Variants in IL17RE observed in about 807,000 individuals in gnomAD.
IL17RE encodes the protein interleukin 17 receptor E.
IL17RE carries 47 observed loss-of-function variants against 70.7 expected under a neutral mutation model. That is an observed-to-expected ratio of 0.67 (90% confidence interval 0.53 to 0.85). The LOEUF is 0.85. Among genes scored for constraint, IL17RE ranks in the 40% least tolerant of loss-of-function variants. IL17RE has a pLI of 0.00. For synonymous variants in IL17RE, 372 were observed against 381.2 expected (o/e 0.98, Z 0.28); for missense variants, 850 against 893.9 (o/e 0.95, Z 0.63).
intron 9 of IL17RE, 24 bp downstream of exon 9, chr3:9,911,064 C>G (rs2082880040): frequency 6.2e-7 from 1 of 1,614,048 alleles, no homozygotes; most frequent in East Asian, 2.2e-5. Context: ...CCCCCAGGAC[C>G]AGGGTGGGCA....
rs2082889999 is a variant in IL17RE, at chr3:9,911,438, A to G, written c.1073-5A>G. On this transcript the variant is annotated splice_polypyrimidine_tract_variant and splice_region_variant and intron_variant, in intron 11 of 15. Coordinates refer to ENST00000383814, the MANE Select transcript of IL17RE (RefSeq NM_153480.2). ...CTATCAACACCCCCACCCCGCCCCA[A>G]ACAGGGTCTCTCACATCCTGGAATG... is the stretch of plus-strand genomic sequence containing the variant. 6.2e-7 allele frequency: 1 copy of G among 1,613,854 alleles called. No individual in the cohort carries two copies. Among genetic ancestry groups the G allele is most frequent in the African/African-American group, 1.3e-5 (1 of 74,884 alleles).
At chr3:9,909,338 C>A in intron 8 of IL17RE, 55 bp downstream of exon 8, 1 of 1,396,290 alleles carries the variant, frequency 7.2e-7, no homozygotes, top group Non-Finnish European at 1.0e-6. Flanking sequence ...CTCTTTCTGT[C>A]TCCTACACAC....
At chr3:9,909,957 G>C (rs1358606194) in intron 8 of IL17RE, 2 of 152,386 alleles carry the variant, frequency 1.3e-5, no homozygotes, top group African/African-American at 4.8e-5. Context: ...GGAGAGATAG[G>C]AGGGAAAGAC....
intron 3 of IL17RE, among the ~76,000 whole-genome samples, chr3:9,905,734 C>T (rs532917248): frequency 1.4e-4 from 21 of 151,854 alleles, no homozygotes; most frequent in Admixed American, 4.6e-4. Context: ...GCAGGAGAAT[C>T]GCTTGAAGCC....
In IL17RE at chr3:9,915,406, G is replaced by T. The variant is rs546163553; in HGVS notation, c.1603G>T (p.Val535Leu). Reference sequence around the variant, plus strand: ...GTGGGAGGGGAGGCACGTGGCGCGCGTGGGCCCGCTGCCGTGGCTCTGGGC... The same window carrying T: ...GTGGGAGGGGAGGCACGTGGCGCGCTTGGGCCCGCTGCCGTGGCTCTGGGC... ...DLWEGRHVAR[V>L]GPLPWLWAAR... Residue 535 changes from valine to leucine, a missense_variant, in exon 16 of 16, where the codon GTG becomes TTG. Coordinates refer to ENST00000383814, the MANE Select transcript of IL17RE (RefSeq NM_153480.2). This position sits in a 1 kb window ranked among gnomAD's most constrained non-coding sequence, Gnocchi z 4.9. The T allele has an allele frequency of 2.1e-5, 28 of 1,362,478 alleles. No homozygotes were observed. In the South Asian group the frequency reaches 5.2e-4, roughly 25 times the overall value. 84.4% of individuals were successfully genotyped at this position (1,362,478 alleles called of 1,614,324 possible). A position where few individuals can be genotyped will look rare whatever the true frequency, so the allele number is the denominator to read the frequency against.
chr3:9,915,725 G>A lies in IL17RE; in HGVS notation c.1922G>A (p.Gly641Glu). 3 of 1,439,452 alleles carry A rather than the reference G, an allele frequency of 2.1e-6. No individual in the cohort carries two copies. Among genetic ancestry groups the A allele is most frequent in the Non-Finnish European group, 2.7e-6 (3 of 1,109,634 alleles). The allele number at this position is 1,439,452 out of a possible 1,614,324, so 89.2% of individuals were successfully genotyped here. Residue 641 changes from glycine (G) to glutamate (E), a missense_variant, in exon 16 of 16, where the codon GGG (glycine) becomes GAG (glutamate). Gly to Glu is a moderately conservative substitution (Grantham distance 98). Transcript: ENST00000383814. The surrounding 1 kb of genome is among the most constrained non-coding windows in gnomAD (Gnocchi z 4.9). ...FAEATSWGRL[G>E]ARQRRQSRLE... ...GAGGCCACCAGCTGGGGCCGCCTTG[G>A]GGCGCGGCAGCGCAGGCAGAGCCGC...
In IL17RE at chr3:9,913,978, C is replaced by T. The variant is rs1446906718; in HGVS notation, c.1250C>T (p.Ser417Leu). The T allele has an allele frequency of 1.2e-6, 2 of 1,614,106 alleles. No individual in the cohort carries two copies. The highest frequency in any genetic ancestry group is 8.5e-7 in the Non-Finnish European group (1 of 1,179,950). Residue 417 changes from serine (S) to leucine (L), a missense_variant, in exon 13 of 16, where the codon TCA becomes TTA. Physicochemically the swap from Ser to Leu is moderately radical, Grantham distance 145. Transcript: ENST00000383814. ...CAGGCCCGGGGCTCAAGCCCAGTGT[C>T]ACTAGACCTCATCATTCCCTTCCTG... ...VSQARGSSPV[S>L]LDLIIPFLRP...
At chr3:9,902,798 CGGGCAGGGCGGGGCCA>C (rs2082665535), upstream of IL17RE, 3 of 1,554,896 alleles carry the variant, frequency 1.9e-6, no homozygotes, top group Non-Finnish European at 2.6e-6. Context: ...GAGGAGCTTT[CGGGCAGGGCGGGGCCA>C]GGGCAGGCTG....
Position 9,909,268 on chromosome 3 carries a change from A to G in IL17RE, c.787A>G (p.Ser263Gly). The change falls in exon 8 of 16, where the codon AGC (serine) becomes GGC (glycine). Residue 263 changes from serine to glycine, a missense_variant. Ser to Gly is a moderately conservative substitution (Grantham distance 56). Transcript: ENST00000383814. ...GAGGCGCAAAAAATGTCCCTTCCAG[A>G]GCTGGCCAGAAGCCTGTGAGTGCTG... ...TVRRKKCPFQ[S>G]WPEAYGSDFW... The G allele has an allele frequency of 6.2e-7, 1 of 1,613,990 alleles. No individual in the cohort carries two copies. Among genetic ancestry groups the G allele is most frequent in the African/African-American group, 1.3e-5 (1 of 75,038 alleles).
Position 9,915,929 on chromosome 3 carries a change from GC to G in IL17RE, c.*124del. On this transcript the variant is annotated 3_prime_UTR_variant, in exon 16 of 16. Transcript: ENST00000383814. The surrounding 1 kb of genome is among the most constrained non-coding windows in gnomAD (Gnocchi z 4.9). Reference sequence around the variant, plus strand: ...TGCCTCGAGGACGACTGGCCGAAAAGCCGCATTCCCTGCCTCACAGGCCGGA... The same window carrying G: ...TGCCTCGAGGACGACTGGCCGAAAAGCGCATTCCCTGCCTCACAGGCCGGA... 3 of 1,327,640 alleles carry G rather than the reference GC, an allele frequency of 2.3e-6. No individual in the cohort carries two copies. Among genetic ancestry groups the G allele is most frequent in the Non-Finnish European group, 2.9e-6 (3 of 1,040,550 alleles). The allele number at this position is 1,327,640 out of a possible 1,614,324, so 82.2% of individuals were successfully genotyped here. A position where few individuals can be genotyped will look rare whatever the true frequency, so the allele number is the denominator to read the frequency against.
rs1426048232 is a variant in IL17RE at position 9,911,571 on chromosome 3, G to A, written c.1201G>A (p.Val401Met). ...SLPGLGQDTL[V>M]PPVYTVSQAR... ...CCCAGGCTTGGGGCAGGACACTTTG[G>A]TGCCCCCCGTGTACACTGTCAGCCA... The change falls in exon 12 of 16, where the codon GTG (valine) becomes ATG (methionine). Residue 401 changes from valine to methionine, a missense_variant. Val to Met is a conservative substitution (Grantham distance 21). Transcript: ENST00000383814. 6.2e-7 allele frequency: 1 copy of A among 1,614,014 alleles called. No homozygotes were observed. Among genetic ancestry groups the A allele is most frequent in the South Asian group, 1.1e-5 (1 of 91,084 alleles).
At chr3:9,914,983 C>G (rs1362591007) in intron 15 of IL17RE, among the ~76,000 whole-genome samples, 1 of 152,238 alleles carries the variant, frequency 6.6e-6, no homozygotes, top group Non-Finnish European at 1.5e-5. Context: ...AGTCTCTGTA[C>G]AAAAGGCTAG....
At chr3:9,908,705 C>T (rs1300539801) in intron 7 of IL17RE, among the ~76,000 whole-genome samples, 1 of 152,202 alleles carries the variant, frequency 6.6e-6, no homozygotes, top group Non-Finnish European at 1.5e-5. Flanking sequence ...TGGCAGTCCT[C>T]CTTTTCTCTT....
intron 15 of IL17RE, 110 bp downstream of exon 15, chr3:9,914,887 C>T (rs919822790): frequency 5.3e-6 from 5 of 941,456 alleles, no homozygotes; most frequent in Admixed American, 4.5e-5. Context: ...ATCTCTGTTA[C>T]CCAGGCAGGG....
In IL17RE at chr3:9,915,235, T is replaced by TG; in HGVS notation, c.1448-15dup. 1 of 1,379,260 alleles carries TG rather than the reference T, an allele frequency of 7.3e-7. No individual in the cohort carries two copies. Among genetic ancestry groups the TG allele is most frequent in the African/African-American group, 1.5e-5 (1 of 65,976 alleles). The allele number at this position is 1,379,260 out of a possible 1,614,324, so 85.4% of individuals were successfully genotyped here. A position where few individuals can be genotyped will look rare whatever the true frequency, so the allele number is the denominator to read the frequency against. ...CCTCAGCCGCCCAGCCTTCATCTGT[T>TG]GCTTCCCGCCACCAGGCCCGGGCCC... On this transcript the variant is annotated splice_polypyrimidine_tract_variant and intron_variant, in intron 15 of 15. Transcript: ENST00000383814. This position sits in a 1 kb window ranked among gnomAD's most constrained non-coding sequence, Gnocchi z 4.9.
In IL17RE at chr3:9,904,165, C is replaced by T. The variant is rs376943329; in HGVS notation, c.268+14C>T. 21 of 1,613,420 alleles carry T rather than the reference C, an allele frequency of 1.3e-5. No individual in the cohort carries two copies. Among genetic ancestry groups the T allele is most frequent in the Non-Finnish European group, 1.8e-5 (21 of 1,179,418 alleles). The stretch of plus-strand genomic sequence containing the variant: ...CAGGTGGCTCAGGTATGAGAAACAG[C>T]CCCTTGGGCCATTCTCAGTGAAGAG... On this transcript the variant is annotated intron_variant, in intron 3 of 15. Transcript: ENST00000383814.
At chr3:9,905,094 C>CTAA (rs2082722324) in intron 3 of IL17RE, among the ~76,000 whole-genome samples, 1 of 56,162 alleles carries the variant, frequency 1.8e-5, no homozygotes, top group Non-Finnish European at 3.1e-5. Context: ...GACCCTGTCT[C>CTAA]AAAAAAAAAA....
At chr3:9,906,263 T>TA (rs1053314156) in intron 3 of IL17RE, 101 bp from the exon 4 acceptor site, 6 of 504,712 alleles carry the variant, frequency 1.2e-5, no homozygotes, top group Non-Finnish European at 1.7e-5. Context: ...AATAAATAAA[T>TA]AAATAAAATA....
In IL17RE at chr3:9,915,162, G is replaced by A; in HGVS notation, c.1448-89G>A. 1 of 1,339,216 alleles carries A rather than the reference G, an allele frequency of 7.5e-7. No individual in the cohort carries two copies. Among genetic ancestry groups the A allele is most frequent in the Non-Finnish European group, 9.6e-7 (1 of 1,046,438 alleles). The allele number at this position is 1,339,216 out of a possible 1,614,324, so 83.0% of individuals were successfully genotyped here. A position where few individuals can be genotyped will look rare whatever the true frequency, so the allele number is the denominator to read the frequency against. On this transcript the variant is annotated intron_variant, in intron 15 of 15. Transcript: ENST00000383814. The surrounding 1 kb of genome is among the most constrained non-coding windows in gnomAD (Gnocchi z 4.9). ...GGCGGGGGCGGGGGCGGAGAGGCGAGCACCCTACGGTATCCCGAGAGGGTG... is the reference window on the plus strand; with the variant it reads ...GGCGGGGGCGGGGGCGGAGAGGCGAACACCCTACGGTATCCCGAGAGGGTG...
Sources: allele counts gnomAD v4.1 joint callset (sites outside exome capture counted in the v4.1 genomes callset), GRCh38; gene constraint gnomAD v4.1.1; non-coding constraint Gnocchi (gnomAD v3.1); transcripts MANE v1.5; gene names NCBI Gene and HGNC (gene_info 2026-07-23, HGNC 2026-07-21).